Variants in LY75 observed in about 807,000 individuals in gnomAD.
LY75 encodes C-type lectin domain family 13 member B.
Under a neutral mutation model 231.7 loss-of-function variants are expected in LY75, and 185 were observed. That is an observed-to-expected ratio of 0.80 (90% CI 0.71 to 0.90). The LOEUF (loss-of-function observed/expected upper bound fraction) is 0.90, where lower values mean the gene tolerates loss of function less well. Ranked by LOEUF, LY75 falls within the 40% of genes least tolerant of loss-of-function variation. The probability of loss-of-function intolerance (pLI) is 0.00; values close to 1 mark genes in which losing one functional copy is unlikely to be tolerated. For missense variants in LY75, 1,947 were observed against 2,050.2 expected, an observed-to-expected ratio of 0.95 and a Z score of 0.97; for synonymous variants, 668 against 689.0, an observed-to-expected ratio of 0.97 and a Z score of 0.48.
intron 3 of LY75, among the ~76,000 whole-genome samples, chr2:159,890,955 G>A (rs1439563325): frequency 1.3e-5 from 2 of 152,046 alleles, no homozygotes; most frequent in Non-Finnish European, 2.9e-5. Flanking sequence ...GTATATATGT[G>A]CATAGAAACA....
chr2:159,821,469 A>T (rs1311603524), intron 28 of LY75, among the ~76,000 whole-genome samples: 2 of 151,870 alleles, frequency 1.3e-5, no homozygotes, highest in African/African-American at 4.8e-5. Context: ...TACAAAAATT[A>T]GCTGGGCGTG....
intron 2 of LY75, 162 bp from the exon 3 acceptor site, chr2:159,894,246 T>C: frequency 2.1e-6 from 1 of 480,030 alleles, no homozygotes; most frequent in Admixed American, 6.4e-5. Flanking sequence ...ATATGAATGC[T>C]GGCTCCCTGC....
chr2:159,872,385 A>T (rs1158669267), intron 13 of LY75, 66 bp downstream of exon 13: 6 of 1,564,878 alleles, frequency 3.8e-6, no homozygotes, highest in Non-Finnish European at 5.2e-6. Flanking sequence ...GGGTAAGAAC[A>T]TGTCAATTTT....
intron 6 of LY75, among the ~76,000 whole-genome samples, chr2:159,884,119 T>G (rs2666987): frequency 0.86 from 130,505 of 152,104 alleles, 58,089 homozygotes; most frequent in East Asian, 1. Flanking sequence ...GAGTTTTCCT[T>G]CACAAGCTCT....
At chr2:159,834,360 G>A (rs1683757363) in intron 26 of LY75, 149 bp from the exon 27 acceptor site, 4 of 1,041,336 alleles carry the variant, frequency 3.8e-6, no homozygotes, top group Non-Finnish European at 4.0e-6. Flanking sequence ...CTCAGATATA[G>A]CACACAAAAA....
At position 159,807,011 on chromosome 2, in the gene LY75, T is replaced by C. The variant is rs115348342; in HGVS notation, c.4952A>G (p.Glu1651Gly). 1.9e-5 allele frequency: 30 copies of C among 1,613,952 alleles called. No homozygotes were observed. The East Asian group carries it at 6.7e-4, about 36-fold the overall frequency. Residue 1651 changes from glutamate to glycine, a missense_variant, in exon 34 of 35, where the codon GAA (glutamate) becomes GGA (glycine). Glu to Gly is a moderately conservative substitution (Grantham distance 98). Coordinates refer to ENST00000263636, the MANE Select transcript of LY75 (RefSeq NM_002349.4). Reference protein sequence around the residue: ...SNETWKKVECEHGFGRVVCKV... With the variant: ...SNETWKKVECGHGFGRVVCKV... The stretch of plus-strand genomic sequence containing the variant: ...GCAGACAACTCTTCCAAAACCATGT[T>C]CACATTCAACTTTTTTCCAAGTTTC...
At chr2:159,811,484 T>C (rs1682959091) in intron 31 of LY75, among the ~76,000 whole-genome samples, 1 of 152,214 alleles carries the variant, frequency 6.6e-6, no homozygotes, top group South Asian at 2.1e-4. Flanking sequence ...ATTGTCAATG[T>C]CGTATTAGTG....
At chr2:159,900,286 C>T (rs1249907182) in intron 1 of LY75, among the ~76,000 whole-genome samples, 2 of 152,210 alleles carry the variant, frequency 1.3e-5, no homozygotes, top group Admixed American at 1.3e-4. Flanking sequence ...TTGTTTCTTG[C>T]ACACCTGAGT....
intron 4 of LY75, 109 bp from the exon 5 acceptor site, chr2:159,886,639 C>T: frequency 8.8e-7 from 1 of 1,132,376 alleles, no homozygotes. Flanking sequence ...GATTGTAAGG[C>T]AGCAATCCCT....
Position 159,827,756 on chromosome 2 carries a change from A to G in LY75, c.3958+3914T>C, listed in dbSNP as rs565186124. Among the ~76,000 whole-genome samples, 24 of 152,344 alleles carry G rather than the reference A, an allele frequency of 1.6e-4. No individual in the cohort carries two copies. The South Asian group carries it at 2.9e-3, about 18-fold the overall frequency. The stretch of plus-strand genomic sequence containing the variant: ...GATAAAGAAAATGTGGCACATAGAT[A>G]CCATAGAATACTATGCAGCCATAAA... On this transcript the variant is annotated intron_variant, in intron 28 of 34. Transcript: ENST00000263636.
intron 13 of LY75, among the ~76,000 whole-genome samples, chr2:159,871,574 T>C (rs1269800610): frequency 6.6e-6 from 1 of 152,204 alleles, no homozygotes; most frequent in Non-Finnish European, 1.5e-5. Flanking sequence ...GTCTTAGAGC[T>C]GGATAAGTAC....
intron 32 of LY75, among the ~76,000 whole-genome samples, chr2:159,810,253 T>C (rs1001916483): frequency 5.3e-5 from 8 of 151,458 alleles, no homozygotes; most frequent in African/African-American, 1.5e-4. Flanking sequence ...AGGATGGTCT[T>C]GATCTCTTGA....
At chr2:159,816,530 G>C (rs1683123291) in intron 30 of LY75, among the ~76,000 whole-genome samples, 1 of 152,152 alleles carries the variant, frequency 6.6e-6, no homozygotes, top group Admixed American at 6.5e-5. Context: ...ATTTTTATCA[G>C]CTTTCCAATT....
At chr2:159,864,728 C>CT (rs1361806312) in intron 14 of LY75, 111 bp downstream of exon 14, 1 of 1,084,664 alleles carries the variant, frequency 9.2e-7, no homozygotes, top group African/African-American at 1.6e-5. Context: ...TATTCAGGGT[C>CT]TTTTGTGGTT....
At chr2:159,845,366 A>G (rs1005615755) in intron 23 of LY75, among the ~76,000 whole-genome samples, 5 of 152,096 alleles carry the variant, frequency 3.3e-5, no homozygotes, top group Non-Finnish European at 7.4e-5. Flanking sequence ...TAATCCTATT[A>G]TAGTTTTTAA....
chr2:159,818,874 AT>A (rs1683202152), intron 29 of LY75, among the ~76,000 whole-genome samples: 1 of 152,208 alleles, frequency 6.6e-6, no homozygotes, highest in African/African-American at 2.4e-5. Context: ...AAGTATGAGG[AT>A]GGGCATACAC....
chr2:159,892,518 T>C (rs955616645), intron 3 of LY75, among the ~76,000 whole-genome samples: 2 of 152,212 alleles, frequency 1.3e-5, no homozygotes, highest in African/African-American at 2.4e-5. Flanking sequence ...TTAATGTATA[T>C]TGAGAGCCTG....
chr2:159,806,916 A>G, intron 34 of LY75, 57 bp downstream of exon 34: 9 of 1,541,084 alleles, frequency 5.8e-6, no homozygotes, highest in Non-Finnish European at 7.0e-6. Flanking sequence ...ATTGGATTGT[A>G]CATTTATTTC....
chr2:159,844,253 TACA>T, intron 23 of LY75, among the ~76,000 whole-genome samples: 1 of 151,544 alleles, frequency 6.6e-6, no homozygotes, highest in East Asian at 1.9e-4. Flanking sequence ...ACCCAGATTT[TACA>T]ACAAGAATGT....
Sources: allele counts gnomAD v4.1 joint callset (sites outside exome capture counted in the v4.1 genomes callset), GRCh38; gene constraint gnomAD v4.1.1; transcripts MANE v1.5; gene names NCBI Gene and HGNC (gene_info 2026-07-23, HGNC 2026-07-21).